The following RTN4RL1 variants were observed in gnomAD, a reference collection of about 807,000 sequenced individuals.
RTN4RL1 encodes reticulon 4 receptor like 1, also known as reticulon-4 receptor-like 1.
A neutral mutation model predicts 25.6 loss-of-function variants in RTN4RL1; 7 were observed. The observed-to-expected ratio is 0.27, with a 90% CI of 0.16 to 0.51. The LOEUF (loss-of-function observed/expected upper bound fraction) is 0.51. RTN4RL1 is among the 20% of genes least tolerant of loss of function. RTN4RL1 has a pLI of 0.97. For synonymous variants in RTN4RL1, 297 were observed against 288.2 expected (o/e 1.03, Z -0.31); for missense variants, 500 against 615.6 (o/e 0.81, Z 1.99).
chr17:1,998,721 C>A lies in RTN4RL1; in HGVS notation c.13+26132G>T, dbSNP rs2066941527. 6.6e-6 allele frequency among the ~76,000 whole-genome samples: 1 copy of A among 151,462 alleles called. No individual in the cohort carries two copies. The highest frequency in any genetic ancestry group is 6.6e-5 in the Admixed American group (1 of 15,256). On this transcript the variant is annotated intron_variant, in intron 1 of 1. Transcript: ENST00000331238. The surrounding 1 kb of genome is among the most constrained non-coding windows in gnomAD (Gnocchi z 4.9). Reference sequence around the variant, plus strand: ...CGGAGCGCCCGGGCCCCGCTCCCCTCACGGGCCTCGCAGCACAGACGGGGA... The same window carrying A: ...CGGAGCGCCCGGGCCCCGCTCCCCTAACGGGCCTCGCAGCACAGACGGGGA...
intron 1 of RTN4RL1, among the ~76,000 whole-genome samples, chr17:1,953,867 T>G (rs891334697): frequency 6.6e-6 from 1 of 152,142 alleles, no homozygotes; most frequent in Non-Finnish European, 1.5e-5. Context: ...GCCTGGCCAT[T>G]AAATTTTTTT....
At position 1,961,773 on chromosome 17, in the gene RTN4RL1, C is replaced by CAAAAAAAAAAAAA. The variant is rs1163170575; in HGVS notation, c.14-23978_14-23966dup. 4.5e-4 allele frequency among the ~76,000 whole-genome samples: 25 copies of CAAAAAAAAAAAAA among 55,592 alleles called. 1 individual carries two copies. The highest frequency in any genetic ancestry group is 8.8e-4 in the South Asian group (1 of 1,142). 36.5% of individuals were successfully genotyped at this position (55,592 alleles called of 152,430 possible). A position where few individuals can be genotyped will look rare whatever the true frequency, so the allele number is the denominator to read the frequency against. ...TGAAACCCTGTCTCCACTAAAAATACAAAAAAAAAAAAAAAAAAAAAAAAA... is the reference window on the plus strand; with the variant it reads ...TGAAACCCTGTCTCCACTAAAAATACAAAAAAAAAAAAAAAAAAAAAAAAAAAAAAAAAAAAAA... On this transcript the variant is annotated intron_variant, in intron 1 of 1. Transcript: ENST00000331238.
At chr17:2,019,957 T>C (rs1007762700) in intron 1 of RTN4RL1, 2 of 152,234 alleles carry the variant, frequency 1.3e-5, no homozygotes, top group African/African-American at 4.8e-5. Context: ...GGTGAGAAAA[T>C]GCATGCATGG....
intron 1 of RTN4RL1, among the ~76,000 whole-genome samples, chr17:1,972,475 C>T (rs2066824771): frequency 6.6e-6 from 1 of 152,098 alleles, no homozygotes; most frequent in African/African-American, 2.4e-5. Flanking sequence ...TGGCCGCTCT[C>T]AGGCCACCCC....
intron 1 of RTN4RL1, among the ~76,000 whole-genome samples, chr17:2,024,139 G>A (rs2067245197): frequency 6.6e-6 from 1 of 152,204 alleles, no homozygotes; most frequent in African/African-American, 2.4e-5. Context: ...GCTCCGTACC[G>A]GGCCGGGCTG....
At position 1,935,817 on chromosome 17, in the gene RTN4RL1, C is replaced by T. The variant is rs2061482901; in HGVS notation, c.*679G>A. On this transcript the variant is annotated 3_prime_UTR_variant, in exon 2 of 2. Coordinates refer to ENST00000331238, the MANE Select transcript of RTN4RL1 (RefSeq NM_178568.4). ...ATAAAACTGCACCTTCTGTGAGAAC[C>T]TCATTGCCCGGGATGAAGTTCTAGA... 13 of 982,012 alleles carry T rather than the reference C, an allele frequency of 1.3e-5. No homozygotes were observed. Among genetic ancestry groups the T allele is most frequent in the African/African-American group, 1.8e-5 (1 of 56,062 alleles). 60.8% of individuals were successfully genotyped at this position (982,012 alleles called of 1,614,324 possible). A position where few individuals can be genotyped will look rare whatever the true frequency, so the allele number is the denominator to read the frequency against.
At chr17:1,939,184 C>G (rs1463253669) in intron 1 of RTN4RL1, among the ~76,000 whole-genome samples, 1 of 151,784 alleles carries the variant, frequency 6.6e-6, no homozygotes, top group Non-Finnish European at 1.5e-5. Context: ...AACCCCGTCT[C>G]TACTAAAAAT....
chr17:2,014,234 C>T (rs73292196), intron 1 of RTN4RL1, among the ~76,000 whole-genome samples: 1,553 of 152,286 alleles, frequency 0.01, 23 homozygotes, highest in African/African-American at 0.035. Flanking sequence ...CACAGAGCAG[C>T]ATGAGGGATC....
At chr17:2,023,707 T>TGCGC (rs2067240344) in intron 1 of RTN4RL1, 1 of 21,512 alleles carries the variant, frequency 4.6e-5, no homozygotes, top group Admixed American at 5.5e-4. Context: ...CCCCTCCCCG[T>TGCGC]GCGCGTTTTC....
intron 1 of RTN4RL1, among the ~76,000 whole-genome samples, chr17:1,950,532 G>A (rs1023751474): frequency 2.6e-5 from 4 of 152,002 alleles, no homozygotes; most frequent in Non-Finnish European, 5.9e-5. Flanking sequence ...AAGAGCTGTC[G>A]GCACAGAGCG....
In RTN4RL1 at chr17:1,935,951, C is replaced by G. The variant is rs1242901497; in HGVS notation, c.*545G>C. ...CATCAGGAATGAGAGGCGCTACCCC[C>G]GAGGGAGGGGCTGAAGGTGGAGTAG... On this transcript the variant is annotated 3_prime_UTR_variant, in exon 2 of 2. Transcript: ENST00000331238. 1.0e-6 allele frequency: 1 copy of G among 985,540 alleles called. No homozygotes were observed. The highest frequency in any genetic ancestry group is 6.2e-5 in the Admixed American group (1 of 16,214). The allele number at this position is 985,540 out of a possible 1,614,324, so 61.0% of individuals were successfully genotyped here.
chr17:1,983,459 C>T (rs1444789031), intron 1 of RTN4RL1, among the ~76,000 whole-genome samples: 1 of 152,214 alleles, frequency 6.6e-6, no homozygotes, highest in East Asian at 1.9e-4. Flanking sequence ...GCACCTAATT[C>T]GGGAACGAGG....
intron 1 of RTN4RL1, among the ~76,000 whole-genome samples, chr17:1,965,527 C>T (rs2066786839): frequency 6.6e-6 from 1 of 152,128 alleles, no homozygotes; most frequent in Non-Finnish European, 1.5e-5. Context: ...GCCCCATGGA[C>T]TTACTGTCCT....
At chr17:1,978,191 C>T (rs1165259785) in intron 1 of RTN4RL1, among the ~76,000 whole-genome samples, 1 of 152,224 alleles carries the variant, frequency 6.6e-6, no homozygotes, top group African/African-American at 2.4e-5. Flanking sequence ...CAGGGTGCTC[C>T]TGCCGCCTCT....
intron 1 of RTN4RL1, among the ~76,000 whole-genome samples, chr17:2,021,052 G>A (rs2067194680): frequency 6.6e-6 from 1 of 152,298 alleles, no homozygotes; most frequent in South Asian, 2.1e-4. Context: ...GGAGAAGCAG[G>A]GAGGGCAGCT....
intron 1 of RTN4RL1, among the ~76,000 whole-genome samples, chr17:2,004,121 C>T (rs1351660575): frequency 6.6e-6 from 1 of 150,730 alleles, no homozygotes; most frequent in African/African-American, 2.4e-5. Context: ...GTAATCCCAG[C>T]ACTTTGGGAG....
chr17:1,936,095 G>C lies in RTN4RL1; in HGVS notation c.*401C>G, dbSNP rs575898313. 5 of 1,015,442 alleles carry C rather than the reference G, an allele frequency of 4.9e-6. No homozygotes were observed. The highest frequency in any genetic ancestry group is 5.9e-6 in the Non-Finnish European group (5 of 849,398). The allele number at this position is 1,015,442 out of a possible 1,614,324, so 62.9% of individuals were successfully genotyped here. A position where few individuals can be genotyped will look rare whatever the true frequency, so the allele number is the denominator to read the frequency against. On this transcript the variant is annotated 3_prime_UTR_variant, in exon 2 of 2. Coordinates refer to ENST00000331238, the MANE Select transcript of RTN4RL1 (RefSeq NM_178568.4). ...GTGAGCCTCATTTGTTCTTCTCTGC[G>C]TCCTGCTTTCTCCAGGAACCACGGG...
chr17:2,020,140 T>C (rs904809030), intron 1 of RTN4RL1: 1 of 152,172 alleles, frequency 6.6e-6, no homozygotes, highest in African/African-American at 2.4e-5. Flanking sequence ...CCAGGCTACA[T>C]GCCTTGACTG....
chr17:2,001,572 C>T (rs892295041), intron 1 of RTN4RL1: 1 of 152,204 alleles, frequency 6.6e-6, no homozygotes, highest in Non-Finnish European at 1.5e-5. Flanking sequence ...AAGGTAGGCA[C>T]TATTTATATT....
Sources: gnomAD v4.1 joint callset for allele counts (sites outside exome capture counted in the v4.1 genomes callset) on GRCh38, gnomAD v4.1.1 for gene constraint, Gnocchi (gnomAD v3.1) non-coding constraint, MANE v1.5 for transcripts, NCBI Gene and HGNC (gene_info 2026-07-23, HGNC 2026-07-21) for gene names.